SLC5A3: variants seen among roughly 807,000 people sequenced by gnomAD.
SLC5A3 encodes the protein solute carrier family 5 member 3, also known as sodium/myo-inositol cotransporter.
Under a neutral mutation model 43.2 loss-of-function variants are expected in SLC5A3, and 10 were observed. The observed-to-expected ratio is 0.23, with a 90% CI of 0.14 to 0.39. SLC5A3 has a LOEUF of 0.39. Ranked by LOEUF, SLC5A3 falls within the 10% of genes least tolerant of loss-of-function variation. The pLI, the probability that SLC5A3 is intolerant of heterozygous loss-of-function variation, is 1.00. For missense variants in SLC5A3, 608 were observed against 893.4 expected (o/e 0.68, Z 4.07); for synonymous variants, 349 against 322.0 (o/e 1.08, Z -0.90).
chr21:34,104,132 T>A lies in SLC5A3; in HGVS notation c.*6777T>A, dbSNP rs1005585902. ...AGAGATGAAGTTACCTTTATTTTTTTCCTATACTTGACTGTGCTTCATTTT... is the reference window on the plus strand; with the variant it reads ...AGAGATGAAGTTACCTTTATTTTTTACCTATACTTGACTGTGCTTCATTTT... On this transcript the variant is annotated 3_prime_UTR_variant, in exon 2 of 2. Coordinates refer to ENST00000381151, the MANE Select transcript of SLC5A3 (RefSeq NM_006933.7). The A allele has an allele frequency of 1.0e-6, 1 of 999,848 alleles. No individual in the cohort carries two copies. 61.9% of individuals were successfully genotyped at this position (999,848 alleles called of 1,614,324 possible). A position where few individuals can be genotyped will look rare whatever the true frequency, so the allele number is the denominator to read the frequency against.
rs761623554 is a variant in SLC5A3, at chr21:34,096,876, C to T, written c.1678C>T (p.Pro560Ser). Reference sequence around the variant, plus strand: ...CCTGGTGGTGAAGGAGAACTGCTCCCCAAAAGAGGAACCATACAAAATGCA... The same window carrying T: ...CCTGGTGGTGAAGGAGAACTGCTCCTCAAAAGAGGAACCATACAAAATGCA... Reference protein sequence around the residue: ...KNLVVKENCSPKEEPYKMQEK... With the variant: ...KNLVVKENCSSKEEPYKMQEK... Residue 560 changes from proline (P) to serine (S), a missense_variant, in exon 2 of 2, where the codon CCA (proline) becomes TCA (serine). Coordinates refer to ENST00000381151, the MANE Select transcript of SLC5A3 (RefSeq NM_006933.7). The surrounding 1 kb of genome is among the most constrained non-coding windows in gnomAD (Gnocchi z 5.9). 45 of 1,613,904 alleles carry T rather than the reference C, an allele frequency of 2.8e-5. No individual in the cohort carries two copies. Among genetic ancestry groups the T allele is most frequent in the Non-Finnish European group, 3.6e-5 (42 of 1,179,978 alleles).
Position 34,104,880 on chromosome 21 carries a change from T to C in SLC5A3, c.*7525T>C, listed in dbSNP as rs2148662849. The C allele has an allele frequency of 1.0e-6, 1 of 1,000,270 alleles. No homozygotes were observed. The highest frequency in any genetic ancestry group is 1.1e-4 in the East Asian group (1 of 8,822). The allele number at this position is 1,000,270 out of a possible 1,614,324, so 62.0% of individuals were successfully genotyped here. A position where few individuals can be genotyped will look rare whatever the true frequency, so the allele number is the denominator to read the frequency against. On this transcript the variant is annotated 3_prime_UTR_variant, in exon 2 of 2. Coordinates refer to ENST00000381151, the MANE Select transcript of SLC5A3 (RefSeq NM_006933.7). ...TAAGAACTGTACAAAAAAATGCTTCTGGAGATTTCTTTGGCAGAAATGCCT... is the reference window on the plus strand; with the variant it reads ...TAAGAACTGTACAAAAAAATGCTTCCGGAGATTTCTTTGGCAGAAATGCCT...
chr21:34,094,965 G>C lies in SLC5A3; in HGVS notation c.-234G>C, dbSNP rs1052192931. ...CTTGTGGAGAGTGGATTAAGAGTAC[G>C]AGCTAAGTTCTCAATCCCAATTAAG... On this transcript the variant is annotated 5_prime_UTR_variant, in exon 2 of 2. Coordinates refer to ENST00000381151, the MANE Select transcript of SLC5A3 (RefSeq NM_006933.7). The C allele has an allele frequency of 6.0e-6, 3 of 500,000 alleles. No individual in the cohort carries two copies. Among genetic ancestry groups the C allele is most frequent in the Non-Finnish European group, 1.0e-5 (3 of 286,170 alleles). The allele number at this position is 500,000 out of a possible 1,614,324, so 31.0% of individuals were successfully genotyped here.
intron 1 of SLC5A3, among the ~76,000 whole-genome samples, chr21:34,089,064 T>C (rs1239008247): frequency 6.6e-6 from 1 of 152,178 alleles, no homozygotes; most frequent in African/African-American, 2.4e-5. Context: ...TCTCGCTCTG[T>C]TGCCCAGGCT....
intron 1 of SLC5A3, among the ~76,000 whole-genome samples, chr21:34,075,620 T>C (rs932270863): frequency 5.9e-5 from 9 of 152,184 alleles, no homozygotes; most frequent in Admixed American, 5.9e-4. Flanking sequence ...CCCATGGCAG[T>C]AGATAGAAGG....
At chr21:34,094,514 T>C (rs921097846) in intron 1 of SLC5A3, among the ~76,000 whole-genome samples, 1 of 152,178 alleles carries the variant, frequency 6.6e-6, no homozygotes, top group African/African-American at 2.4e-5. Flanking sequence ...TTTTCTCCCC[T>C]TTAGGGTGCT....
In SLC5A3 at chr21:34,096,275, T is replaced by A. The variant is rs1978960726; in HGVS notation, c.1077T>A (p.Val359=). 6.2e-7 allele frequency: 1 copy of A among 1,614,012 alleles called. No individual in the cohort carries two copies. The highest frequency in any genetic ancestry group is 1.7e-5 in the Admixed American group (1 of 59,978). ...IAYPRLVMKL[V]PVGLRGLMMA... is the part of the protein sequence containing the mutation. ...ACCCACGCCTGGTGATGAAGCTGGT[T>A]CCTGTGGGCCTTCGGGGTTTAATGA... Residue 359 remains valine, a synonymous_variant, in exon 2 of 2, where the codon GTT becomes GTA. Transcript: ENST00000381151. The surrounding 1 kb of genome is among the most constrained non-coding windows in gnomAD (Gnocchi z 5.9).
In SLC5A3 at chr21:34,104,719, C is replaced by T. The variant is rs1022151882; in HGVS notation, c.*7364C>T. 4.9e-5 allele frequency: 49 copies of T among 999,514 alleles called. No homozygotes were observed. The highest frequency in any genetic ancestry group is 6.2e-5 in the Admixed American group (1 of 16,242). 61.9% of individuals were successfully genotyped at this position (999,514 alleles called of 1,614,324 possible). ...GGGGGGATGAGGGGAAGAAGATTAC[C>T]AGAAGTGCAGGAAAGAGAAGTTTGA... On this transcript the variant is annotated 3_prime_UTR_variant, in exon 2 of 2. Coordinates refer to ENST00000381151, the MANE Select transcript of SLC5A3 (RefSeq NM_006933.7).
rs1979258113 is a variant in SLC5A3 at position 34,101,981 on chromosome 21, A to G, written c.*4626A>G. 1.0e-6 allele frequency: 1 copy of G among 1,000,226 alleles called. No homozygotes were observed. Among genetic ancestry groups the G allele is most frequent in the African/African-American group, 1.7e-5 (1 of 57,356 alleles). The allele number at this position is 1,000,226 out of a possible 1,614,324, so 62.0% of individuals were successfully genotyped here. On this transcript the variant is annotated 3_prime_UTR_variant, in exon 2 of 2. Transcript: ENST00000381151. ...GCCAAAAAGGTTTTTTTGCAGTAAAAGTAAAAATTTGGAATTAGTTGGCAT... is the reference window on the plus strand; with the variant it reads ...GCCAAAAAGGTTTTTTTGCAGTAAAGGTAAAAATTTGGAATTAGTTGGCAT...
intron 1 of SLC5A3, among the ~76,000 whole-genome samples, chr21:34,093,649 T>C (rs1978822310): frequency 1.3e-5 from 2 of 152,126 alleles, no homozygotes; most frequent in African/African-American, 4.8e-5. Context: ...AGAAATCATT[T>C]AGAAGTTAAT....
chr21:34,099,177 A>T lies in SLC5A3; in HGVS notation c.*1822A>T, dbSNP rs928356446. On this transcript the variant is annotated 3_prime_UTR_variant, in exon 2 of 2. Coordinates refer to ENST00000381151, the MANE Select transcript of SLC5A3 (RefSeq NM_006933.7). ...AATAGCATGTATTTCTGAAGAGCTT[A>T]GAGTGCCTTGTAGAATTTTTTTCTC... 2 of 999,394 alleles carry T rather than the reference A, an allele frequency of 2.0e-6. No individual in the cohort carries two copies. Among genetic ancestry groups the T allele is most frequent in the African/African-American group, 3.5e-5 (2 of 57,214 alleles). 61.9% of individuals were successfully genotyped at this position (999,394 alleles called of 1,614,324 possible).
At position 34,079,192 on chromosome 21, in the gene SLC5A3, G is replaced by GA. The variant is rs200832534; in HGVS notation, c.-337+5454dup. On this transcript the variant is annotated intron_variant, in intron 1 of 1. Coordinates refer to ENST00000381151, the MANE Select transcript of SLC5A3 (RefSeq NM_006933.7). ...AAGATTTTACAGTTGAATAGGTGGG[G>GA]AAAAAAACAGCAATACTTTATGGCA... is the stretch of plus-strand genomic sequence containing the variant. Among the ~76,000 whole-genome samples the GA allele has an allele frequency of 1.7e-4, 26 of 152,094 alleles. No individual in the cohort carries two copies. The East Asian group carries it at 4.1e-3, about 24-fold the overall frequency.
chr21:34,086,246 G>A (rs920764615), intron 1 of SLC5A3, among the ~76,000 whole-genome samples: 2 of 152,108 alleles, frequency 1.3e-5, no homozygotes, highest in African/African-American at 4.8e-5. Context: ...GCACTTAAGT[G>A]GTCTTGGGAG....
chr21:34,079,316 A>G (rs890183948), intron 1 of SLC5A3, among the ~76,000 whole-genome samples: 3 of 152,160 alleles, frequency 2.0e-5, no homozygotes, highest in Non-Finnish European at 4.4e-5. Flanking sequence ...CTAGTCCTTT[A>G]CAGAAGAAAT....
At chr21:34,078,143 C>G (rs562053393) in intron 1 of SLC5A3, among the ~76,000 whole-genome samples, 2 of 152,044 alleles carry the variant, frequency 1.3e-5, no homozygotes, top group Non-Finnish European at 2.9e-5. Context: ...GTCAAGTGGT[C>G]TTTTTTTTCT....
rs16991220 is a variant in SLC5A3, at chr21:34,102,153, T to C, written c.*4798T>C. 5.5e-3 allele frequency: 5,457 copies of C among 1,000,102 alleles called. 107 individuals carry two copies. In the South Asian group the frequency reaches 0.078, roughly 14 times the overall value. 62.0% of individuals were successfully genotyped at this position (1,000,102 alleles called of 1,614,324 possible). On this transcript the variant is annotated 3_prime_UTR_variant, in exon 2 of 2. Coordinates refer to ENST00000381151, the MANE Select transcript of SLC5A3 (RefSeq NM_006933.7). ...TGGAATGTTTTTGTCAGACTGTCCT[T>C]TGTTGGAATACTTTAGCTGTTCAGC...
Position 34,100,314 on chromosome 21 carries a change from T to A in SLC5A3, c.*2959T>A. 1 of 1,000,256 alleles carries A rather than the reference T, an allele frequency of 1.0e-6. No homozygotes were observed. Among genetic ancestry groups the A allele is most frequent in the Non-Finnish European group, 1.2e-6 (1 of 829,982 alleles). 62.0% of individuals were successfully genotyped at this position (1,000,256 alleles called of 1,614,324 possible). A position where few individuals can be genotyped will look rare whatever the true frequency, so the allele number is the denominator to read the frequency against. On this transcript the variant is annotated 3_prime_UTR_variant, in exon 2 of 2. Transcript: ENST00000381151. ...GGTATGCAGGATGATTATTGCATAT[T>A]TTGTGGGACCTCTAATTTCCCTGGT...
intron 1 of SLC5A3, among the ~76,000 whole-genome samples, chr21:34,090,836 A>G (rs1166950487): frequency 6.6e-6 from 1 of 152,246 alleles, no homozygotes; most frequent in East Asian, 1.9e-4. Flanking sequence ...GTGACGGAGC[A>G]TGGAACCCAG....
At chr21:34,081,494 A>G (rs371605685) in intron 1 of SLC5A3, among the ~76,000 whole-genome samples, 3 of 152,216 alleles carry the variant, frequency 2.0e-5, no homozygotes, top group Non-Finnish European at 4.4e-5. Context: ...GAGTAGAAAA[A>G]CCTTGTAAGA....
Sources: gnomAD v4.1 joint callset for allele counts (sites outside exome capture counted in the v4.1 genomes callset) on GRCh38, gnomAD v4.1.1 for gene constraint, Gnocchi (gnomAD v3.1) non-coding constraint, MANE v1.5 for transcripts, NCBI Gene and HGNC (gene_info 2026-07-23, HGNC 2026-07-21) for gene names.